Variants in PTPRN2 observed in about 807,000 individuals in gnomAD.
PTPRN2 encodes receptor-type tyrosine-protein phosphatase N2.
PTPRN2 carries 74 observed loss-of-function variants against 118.8 expected under a neutral mutation model. The observed-to-expected ratio is 0.62, with a 90% CI of 0.52 to 0.76. The LOEUF is 0.76. Among genes scored for constraint, PTPRN2 ranks in the 30% least tolerant of loss-of-function variants. The probability of loss-of-function intolerance (pLI) is 0.00; values close to 1 mark genes in which losing one functional copy is unlikely to be tolerated. For missense variants in PTPRN2, 1,481 were observed against 1,394.4 expected, an observed-to-expected ratio of 1.06 and a Z score of -0.99; for synonymous variants, 641 against 608.0, an observed-to-expected ratio of 1.05 and a Z score of -0.80.
At chr7:158,190,562 T>C (rs1825677932) in intron 5 of PTPRN2, among the ~76,000 whole-genome samples, 1 of 152,080 alleles carries the variant, frequency 6.6e-6, no homozygotes, top group Non-Finnish European at 1.5e-5. Context: ...ATTGTGAGCC[T>C]AACCTTAGAG....
chr7:158,075,892 G>GT (rs1450513240), intron 11 of PTPRN2, among the ~76,000 whole-genome samples: 4 of 152,196 alleles, frequency 2.6e-5, no homozygotes, highest in African/African-American at 9.6e-5. Context: ...CATGGAGGAC[G>GT]TGACACAGCG....
At chr7:158,456,525 GC>G (rs1052800595) in intron 2 of PTPRN2, among the ~76,000 whole-genome samples, 13 of 150,510 alleles carry the variant, frequency 8.6e-5, no homozygotes, top group African/African-American at 3.2e-4. Context: ...ATCGGCCATG[GC>G]CCCCCATCGC....
At chr7:157,724,418 T>G (rs1168575731) in intron 12 of PTPRN2, among the ~76,000 whole-genome samples, 1 of 152,196 alleles carries the variant, frequency 6.6e-6, no homozygotes. Flanking sequence ...TTGGAGCCAA[T>G]TTCCTGGTTA....
chr7:157,715,080 G>C (rs1009777643), intron 12 of PTPRN2, among the ~76,000 whole-genome samples: 1 of 152,240 alleles, frequency 6.6e-6, no homozygotes, highest in Non-Finnish European at 1.5e-5. Context: ...CGCTTGTCCT[G>C]CTTTCTGAGC....
chr7:157,905,954 G>T (rs950330739), intron 11 of PTPRN2, among the ~76,000 whole-genome samples: 3 of 152,150 alleles, frequency 2.0e-5, no homozygotes, highest in Non-Finnish European at 4.4e-5. Flanking sequence ...CCTGCATCCT[G>T]TGCCTCACAG....
At position 157,629,430 on chromosome 7, in the gene PTPRN2, A is replaced by C. The variant is rs112353346; in HGVS notation, c.2197-7921T>G. ...ATTATTAAAAATAATAATGAGAATAAACTCCCACCATGCAATACTAAAACT... is the reference window on the plus strand; with the variant it reads ...ATTATTAAAAATAATAATGAGAATACACTCCCACCATGCAATACTAAAACT... On this transcript the variant is annotated intron_variant, in intron 14 of 22. Coordinates refer to ENST00000389418, the MANE Select transcript of PTPRN2 (RefSeq NM_002847.5). This position sits in a 1 kb window ranked among gnomAD's most constrained non-coding sequence, Gnocchi z 4.4. 9.5e-3 allele frequency among the ~76,000 whole-genome samples: 1,447 copies of C among 152,234 alleles called. 19 individuals carry two copies. Among genetic ancestry groups the C allele is most frequent in the African/African-American group, 0.033 (1,370 of 41,518 alleles).
At chr7:158,261,662 G>T (rs1270050640) in intron 3 of PTPRN2, among the ~76,000 whole-genome samples, 2 of 152,086 alleles carry the variant, frequency 1.3e-5, no homozygotes, top group Admixed American at 6.5e-5. Flanking sequence ...TGCACTCCGG[G>T]ACCGCAGGCT....
intron 12 of PTPRN2, among the ~76,000 whole-genome samples, chr7:157,843,450 G>A (rs1808578208): frequency 6.6e-6 from 1 of 152,228 alleles, no homozygotes; most frequent in Admixed American, 6.5e-5. Context: ...CTGCCTGGCT[G>A]TGCGTTCTCT....
At chr7:158,188,597 T>C (rs35384756) in intron 5 of PTPRN2, among the ~76,000 whole-genome samples, 2 of 31,450 alleles carry the variant, frequency 6.4e-5, no homozygotes, top group Non-Finnish European at 1.2e-4. Flanking sequence ...CGCCCCCTGA[T>C]GGGGAAGCCC....
chr7:157,842,346 G>A (rs1281628169), intron 12 of PTPRN2, among the ~76,000 whole-genome samples: 1 of 150,558 alleles, frequency 6.6e-6, no homozygotes, highest in Non-Finnish European at 1.5e-5. Flanking sequence ...GGGAAGGGAG[G>A]AGATTTAAAG....
At chr7:158,211,365 C>T (rs1585862201) in intron 3 of PTPRN2, among the ~76,000 whole-genome samples, 1 of 152,216 alleles carries the variant, frequency 6.6e-6, no homozygotes, top group African/African-American at 2.4e-5. Flanking sequence ...CAGATGGGAT[C>T]ACATCAAGTG....
chr7:158,344,594 CTT>C (rs1368802076), intron 2 of PTPRN2, among the ~76,000 whole-genome samples: 1 of 152,152 alleles, frequency 6.6e-6, no homozygotes, highest in Non-Finnish European at 1.5e-5. Flanking sequence ...GAAAACCAGA[CTT>C]TTCTAGCCCA....
intron 11 of PTPRN2, among the ~76,000 whole-genome samples, chr7:157,910,144 C>A (rs1798001791): frequency 6.6e-6 from 1 of 152,252 alleles, no homozygotes; most frequent in African/African-American, 2.4e-5. Context: ...CTTCCAATAC[C>A]GGCTGCCAGC....
chr7:158,466,265 C>T (rs1043352076), intron 2 of PTPRN2, among the ~76,000 whole-genome samples: 42 of 152,116 alleles, frequency 2.8e-4, no homozygotes, highest in African/African-American at 8.9e-4. Flanking sequence ...GCTCACTCCT[C>T]CCACAAAACT....
At chr7:157,761,057 CT>C (rs1320948636) in intron 12 of PTPRN2, among the ~76,000 whole-genome samples, 1 of 151,062 alleles carries the variant, frequency 6.6e-6, no homozygotes, top group Non-Finnish European at 1.5e-5. Context: ...TGAAGGACCT[CT>C]TCAAGGAGAA....
intron 11 of PTPRN2, among the ~76,000 whole-genome samples, chr7:158,008,005 C>T (rs1805766510): frequency 8.0e-6 from 1 of 125,382 alleles, no homozygotes; most frequent in Admixed American, 8.3e-5. Context: ...TGTACTTGTG[C>T]ACGTGTGAGT....
At chr7:157,775,723 C>A (rs956682024) in intron 12 of PTPRN2, among the ~76,000 whole-genome samples, 3 of 152,140 alleles carry the variant, frequency 2.0e-5, no homozygotes, top group African/African-American at 4.8e-5. Context: ...CCCTGGGGTA[C>A]CTGCTGGGGC....
chr7:157,722,536 C>T (rs1799299178), intron 12 of PTPRN2, among the ~76,000 whole-genome samples: 1 of 152,216 alleles, frequency 6.6e-6, no homozygotes, highest in African/African-American at 2.4e-5. Context: ...GGCAGCTTGG[C>T]CCAGATCCTG....
At chr7:158,356,938 G>A (rs751892874) in intron 2 of PTPRN2, among the ~76,000 whole-genome samples, 115 of 152,264 alleles carry the variant, frequency 7.6e-4, no homozygotes, top group Non-Finnish European at 1.3e-3. Flanking sequence ...GGAAGATCCT[G>A]GGCCCCAGCA....
Sources: gnomAD v4.1 joint callset for allele counts (sites outside exome capture counted in the v4.1 genomes callset) on GRCh38, gnomAD v4.1.1 for gene constraint, Gnocchi (gnomAD v3.1) non-coding constraint, MANE v1.5 for transcripts, NCBI Gene and HGNC (gene_info 2026-07-23, HGNC 2026-07-21) for gene names.